PPEF1: variants seen among roughly 807,000 people sequenced by gnomAD.
PPEF1 encodes protein phosphatase with EF-hand domain 1.
In PPEF1, 12 loss-of-function variants were observed where a neutral mutation model predicts 53.3. The observed-to-expected ratio is 0.23, with a 90% CI of 0.14 to 0.36. PPEF1 has a LOEUF of 0.36. PPEF1 is among the 10% of genes least tolerant of loss of function. PPEF1 has a pLI of 1.00. For synonymous variants in PPEF1, 165 were observed against 176.7 expected (o/e 0.93, Z 0.52); for missense variants, 334 against 490.4 (o/e 0.68, Z 3.01).
exon 2 of PPEF1, among the ~76,000 whole-genome samples, chrX:18,684,714 C>T (rs1413214856): frequency 9.1e-6 from 1 of 109,776 alleles, no homozygotes; most frequent in African/African-American, 3.3e-5. Context: ...GCAACCTCCA[C>T]CTCCCGGGTT....
At chrX:18,711,754 CTTTT>C (rs536021892) in intron 1 of PPEF1, among the ~76,000 whole-genome samples, 2 of 89,215 alleles carry the variant, frequency 2.2e-5, no homozygotes, top group Non-Finnish European at 4.3e-5. Context: ...ATTACTATAG[CTTTT>C]TTTTTTTTTT....
chrX:18,780,077 A>G (rs1472952688), intron 7 of PPEF1, among the ~76,000 whole-genome samples: 1 of 112,391 alleles, frequency 8.9e-6, no homozygotes, highest in East Asian at 2.8e-4. Context: ...TTATTTAGGC[A>G]TGCTGTTTAT....
intron 12 of PPEF1, among the ~76,000 whole-genome samples, chrX:18,807,219 CG>C (rs2046692066): frequency 9.0e-6 from 1 of 110,581 alleles, no homozygotes; most frequent in Non-Finnish European, 1.9e-5. Flanking sequence ...TTGGTAGAGA[CG>C]GGGTTTCACC....
In PPEF1 at chrX:18,697,691, G is replaced by A. The variant is rs573651782; in HGVS notation, c.-312-154G>A. ...TGCCTGGCACTGTTTTAAGAACCTAGTATGTATATTTCAATATCCAATCAT... is the reference window on the plus strand; with the variant it reads ...TGCCTGGCACTGTTTTAAGAACCTAATATGTATATTTCAATATCCAATCAT... On this transcript the variant is annotated intron_variant, in intron 4 of 21. Coordinates refer to the PPEF1 transcript ENST00000361511. 1.3e-4 allele frequency among the ~76,000 whole-genome samples: 14 copies of A among 111,422 alleles called. No individual in the cohort carries two copies. The South Asian group carries it at 5.3e-3, about 42-fold the overall frequency.
At chrX:18,679,780 G>A (rs750031884), upstream of PPEF1, among the ~76,000 whole-genome samples, 10 of 111,393 alleles carry the variant, frequency 9.0e-5, no homozygotes, top group South Asian at 1.1e-3. Flanking sequence ...TACAAGGCTT[G>A]TGCCTCTCTG....
At chrX:18,701,229 C>T (rs1046528866) in intron 6 of PPEF1, among the ~76,000 whole-genome samples, 5 of 112,038 alleles carry the variant, frequency 4.5e-5, no homozygotes, top group Non-Finnish European at 9.4e-5. Context: ...GCATTCTTTC[C>T]GATCTTAGAC....
intron 1 of PPEF1, among the ~76,000 whole-genome samples, chrX:18,726,653 C>G (rs982701647): frequency 1.1e-5 from 1 of 90,786 alleles, no homozygotes; most frequent in African/African-American, 3.9e-5. Flanking sequence ...GTAATAAGCT[C>G]AGTTATTTCT....
Position 18,735,868 on chromosome X carries a change from G to A in PPEF1, c.235+2060G>A, listed in dbSNP as rs146365250. ...CATCCCTTGTAAGTTGAATTCCTACGTATTTTATTCTCTTTGAAGCAATTG... is the reference window on the plus strand; with the variant it reads ...CATCCCTTGTAAGTTGAATTCCTACATATTTTATTCTCTTTGAAGCAATTG... On this transcript the variant is annotated intron_variant, in intron 3 of 15. Coordinates refer to ENST00000470157, the MANE Select transcript of PPEF1 (RefSeq NM_001377996.1). Among the ~76,000 whole-genome samples, 318 of 111,576 alleles carry A rather than the reference G, an allele frequency of 2.9e-3. 8 individuals carry two copies. In the East Asian group the frequency reaches 0.063, roughly 22 times the overall value.
At chrX:18,703,371 T>A (rs557871389), upstream of PPEF1, among the ~76,000 whole-genome samples, 499 of 112,448 alleles carry the variant, frequency 4.4e-3, 3 homozygotes, top group Middle Eastern at 0.023. Context: ...TAGAACATCA[T>A]GTCTTTCCAT....
intron 1 of PPEF1, among the ~76,000 whole-genome samples, chrX:18,727,020 A>G (rs952729691): frequency 2.7e-5 from 3 of 112,286 alleles, no homozygotes. Context: ...TTCAGTGATC[A>G]TTTATTCTAC....
At chrX:18,703,122 C>T (rs2044120046), upstream of PPEF1, among the ~76,000 whole-genome samples, 1 of 110,789 alleles carries the variant, frequency 9.0e-6, no homozygotes, top group South Asian at 4.0e-4. Flanking sequence ...CTCAAAGGCT[C>T]ACGCACTGCT....
At chrX:18,692,198 G>A (rs940093518) in intron 4 of PPEF1, among the ~76,000 whole-genome samples, 2 of 112,086 alleles carry the variant, frequency 1.8e-5, no homozygotes, top group Non-Finnish European at 3.8e-5. Context: ...CAACAGTGAG[G>A]TCTCACAAGT....
At chrX:18,743,246 C>G (rs1301686846) in intron 3 of PPEF1, among the ~76,000 whole-genome samples, 1 of 111,049 alleles carries the variant, frequency 9.0e-6, no homozygotes, top group Non-Finnish European at 1.9e-5. Context: ...TACTGGCAGA[C>G]ATTTTTACAG....
intron 6 of PPEF1, among the ~76,000 whole-genome samples, chrX:18,764,344 T>G (rs1045664613): frequency 1.8e-5 from 2 of 110,246 alleles, no homozygotes; most frequent in African/African-American, 6.6e-5. Context: ...GGTGGTGGGG[T>G]GTTTCTCTGT....
chrX:18,709,195 A>G (rs965838657), intron 1 of PPEF1, among the ~76,000 whole-genome samples: 2 of 112,007 alleles, frequency 1.8e-5, no homozygotes, highest in African/African-American at 3.2e-5. Flanking sequence ...CACAACCCCT[A>G]TGTACTTCTG....
intron 6 of PPEF1, among the ~76,000 whole-genome samples, chrX:18,768,263 A>G (rs1429453965): frequency 8.9e-6 from 1 of 112,588 alleles, no homozygotes; most frequent in Admixed American, 9.4e-5. Flanking sequence ...ATGTTATACT[A>G]TGACTAACTG....
At chrX:18,786,740 GCCACT>G (rs2147613514) in intron 9 of PPEF1, among the ~76,000 whole-genome samples, 1 of 95,844 alleles carries the variant, frequency 1.0e-5, no homozygotes, top group East Asian at 3.3e-4. Context: ...CCAAGATCAA[GCCACT>G]GCACTCCAGC....
At chrX:18,795,719 T>C (rs2147652794) in intron 10 of PPEF1, among the ~76,000 whole-genome samples, 1 of 112,218 alleles carries the variant, frequency 8.9e-6, no homozygotes, top group South Asian at 3.7e-4. Flanking sequence ...GAACAACAGC[T>C]ATGTGCATTA....
At chrX:18,812,048 T>C (rs2046821641) in intron 12 of PPEF1, among the ~76,000 whole-genome samples, 1 of 112,028 alleles carries the variant, frequency 8.9e-6, no homozygotes, top group Non-Finnish European at 1.9e-5. Flanking sequence ...GTGTTGTATC[T>C]AAGAAGGCAT....
Sources: allele counts gnomAD v4.1 joint callset (sites outside exome capture counted in the v4.1 genomes callset), GRCh38; gene constraint gnomAD v4.1.1; transcripts MANE v1.5; gene names NCBI Gene and HGNC (gene_info 2026-07-23, HGNC 2026-07-21).